HEXIM1: variants seen among roughly 807,000 people sequenced by gnomAD.
The protein encoded by HEXIM1 is HEXIM P-TEFb complex subunit 1, also known as protein HEXIM1.
In HEXIM1, 1 loss-of-function variant was observed where a neutral mutation model predicts 30.3. The observed-to-expected ratio is 0.03, with a 90% CI of 0.01 to 0.16. The LOEUF (loss-of-function observed/expected upper bound fraction) is 0.16, where lower values mean the gene tolerates loss of function less well. Ranked by LOEUF, HEXIM1 falls within the 10% of genes least tolerant of loss-of-function variation. The pLI, the probability that HEXIM1 is intolerant of heterozygous loss-of-function variation, is 1.00. For missense variants in HEXIM1, 391 were observed against 476.4 expected, an observed-to-expected ratio of 0.82 and a Z score of 1.67; for synonymous variants, 245 against 208.3, an observed-to-expected ratio of 1.18 and a Z score of -1.52.
rs2055541224 is a variant in HEXIM1, at chr17:45,150,594, A to C, written c.*324A>C. ...CTTAAACGGAGCTATAAGGTGGCCA[A>C]ATCTGAGAACAATTAAATTCATTTT... On this transcript the variant is annotated 3_prime_UTR_variant, in exon 1 of 1. Transcript: ENST00000332499. 1 of 259,412 alleles carries C rather than the reference A, an allele frequency of 3.9e-6. No homozygotes were observed. Among genetic ancestry groups the C allele is most frequent in the Non-Finnish European group, 7.8e-6 (1 of 127,674 alleles). 16.1% of individuals were successfully genotyped at this position (259,412 alleles called of 1,614,324 possible).
At position 45,151,351 on chromosome 17, in the gene HEXIM1, T is replaced by C. The variant is rs1166162523; in HGVS notation, c.*1081T>C. ...CCTTTCCATGTGGGTCAAACTAAAA[T>C]TAGAAATGTCCCCTCACTGCAGATC... On this transcript the variant is annotated 3_prime_UTR_variant, in exon 1 of 1. Coordinates refer to ENST00000332499, the MANE Select transcript of HEXIM1 (RefSeq NM_006460.3). The C allele has an allele frequency of 1.8e-5, 3 of 166,656 alleles. No individual in the cohort carries two copies. The Admixed American group carries it at 2.0e-4, about 11-fold the overall frequency. The allele number at this position is 166,656 out of a possible 1,614,324, so 10.3% of individuals were successfully genotyped here. A position where few individuals can be genotyped will look rare whatever the true frequency, so the allele number is the denominator to read the frequency against.
chr17:45,149,167 T>C lies in HEXIM1; in HGVS notation c.-24T>C, dbSNP rs200065196. On this transcript the variant is annotated 5_prime_UTR_variant, in exon 1 of 1. Transcript: ENST00000332499. The surrounding 1 kb of genome is among the most constrained non-coding windows in gnomAD (Gnocchi z 5.3). The stretch of plus-strand genomic sequence containing the variant: ...TAAGGACTTACTAGCCAAAATTTCT[T>C]AAACTTCGAGGACTCTACTAGCCAT... 584 of 1,544,862 alleles carry C rather than the reference T, an allele frequency of 3.8e-4. 5 individuals are homozygous for C. The highest frequency in any genetic ancestry group is 1.0e-3 in the East Asian group (44 of 43,966).
At position 45,149,279 on chromosome 17, in the gene HEXIM1, C is replaced by G; in HGVS notation, c.89C>G (p.Pro30Arg). ...GCTGCTGTCCAGGAAGAGCTGAACCCTGAGCGCCCCCCAGGCGCGGAGGAG... is the reference window on the plus strand; with the variant it reads ...GCTGCTGTCCAGGAAGAGCTGAACCGTGAGCGCCCCCCAGGCGCGGAGGAG... ...GAAAVQEELN[P>R]ERPPGAEERV... is the part of the protein sequence containing the mutation. The change falls in exon 1 of 1, where the codon CCT becomes CGT. Residue 30 changes from proline to arginine, a missense_variant. Coordinates refer to ENST00000332499, the MANE Select transcript of HEXIM1 (RefSeq NM_006460.3). This position sits in a 1 kb window ranked among gnomAD's most constrained non-coding sequence, Gnocchi z 5.3. The G allele has an allele frequency of 1.2e-6, 2 of 1,613,802 alleles. No individual in the cohort carries two copies.
rs143419893 is a variant in HEXIM1 at position 45,151,263 on chromosome 17, G to T, written c.*993G>T. ...AAATGGCTGTTTGGGGGATTCCAAG[G>T]ATTTACCTAATTGTCCAATTCTACG... On this transcript the variant is annotated 3_prime_UTR_variant, in exon 1 of 1. Transcript: ENST00000332499. The T allele has an allele frequency of 1.3e-4, 21 of 166,606 alleles. No individual in the cohort carries two copies. Among genetic ancestry groups the T allele is most frequent in the African/African-American group, 3.1e-4 (13 of 41,358 alleles). 10.3% of individuals were successfully genotyped at this position (166,606 alleles called of 1,614,324 possible).
At position 45,151,311 on chromosome 17, in the gene HEXIM1, A is replaced by C. The variant is rs530901155; in HGVS notation, c.*1041A>C. The C allele has an allele frequency of 3.5e-4, 59 of 167,140 alleles. No individual in the cohort carries two copies. The highest frequency in any genetic ancestry group is 1.4e-3 in the African/African-American group (59 of 41,554). The allele number at this position is 167,140 out of a possible 1,614,324, so 10.4% of individuals were successfully genotyped here. ...ACGTGCTCTCTATACCAAAACAAAA[A>C]AAAAAAGCTATCCACCTTTCCATGT... On this transcript the variant is annotated 3_prime_UTR_variant, in exon 1 of 1. Coordinates refer to ENST00000332499, the MANE Select transcript of HEXIM1 (RefSeq NM_006460.3).
At position 45,150,007 on chromosome 17, in the gene HEXIM1, C is replaced by T; in HGVS notation, c.817C>T (p.Arg273Trp). The change falls in exon 1 of 1, where the codon CGG becomes TGG. Residue 273 changes from arginine (R) to tryptophan (W), a missense_variant. Physicochemically the swap from Arg to Trp is moderately radical, Grantham distance 101 (BLOSUM62 -3). Transcript: ENST00000332499. ...LQRDFSETYERYHTESLQNMS... is the reference protein window; with the variant it reads ...LQRDFSETYEWYHTESLQNMS... ...GCGGGACTTCTCGGAGACGTACGAGCGGTACCACACGGAGAGCCTGCAGAA... is the reference window on the plus strand; with the variant it reads ...GCGGGACTTCTCGGAGACGTACGAGTGGTACCACACGGAGAGCCTGCAGAA... 6.2e-7 allele frequency: 1 copy of T among 1,614,014 alleles called. No homozygotes were observed. The highest frequency in any genetic ancestry group is 8.5e-7 in the Non-Finnish European group (1 of 1,180,014).
chr17:45,149,683 A>G lies in HEXIM1; in HGVS notation c.493A>G (p.Lys165Glu). The stretch of plus-strand genomic sequence containing the variant: ...CCCGTCCAAGAAGAAGCGGCATTGG[A>G]AACCGTACTACAAGCTGACCTGGGA... Reference protein sequence around the residue: ...RRPSKKKRHWKPYYKLTWEEK... With the variant: ...RRPSKKKRHWEPYYKLTWEEK... Residue 165 changes from lysine to glutamate, a missense_variant, in exon 1 of 1, where the codon AAA (lysine) becomes GAA (glutamate). Lys to Glu is a moderately conservative substitution (Grantham distance 56). Around this residue, in one of 5 missense-constraint regions of HEXIM1, gnomAD observed 30 missense variants for 88.1 expected, o/e 0.34. Coordinates refer to ENST00000332499, the MANE Select transcript of HEXIM1 (RefSeq NM_006460.3). This position sits in a 1 kb window ranked among gnomAD's most constrained non-coding sequence, Gnocchi z 5.3. The G allele has an allele frequency of 6.2e-7, 1 of 1,612,538 alleles. No individual in the cohort carries two copies. Among genetic ancestry groups the G allele is most frequent in the Non-Finnish European group, 8.5e-7 (1 of 1,180,004 alleles).
In HEXIM1 at chr17:45,149,460, G is replaced by A. The variant is rs1314684461; in HGVS notation, c.270G>A (p.Lys90=). ...PESSCLREGE[K]GQNGDDSSAG... is the part of the protein sequence containing the mutation. ...CTAGCTGCCTGAGAGAGGGCGAGAA[G>A]GGCCAGAATGGGGACGACTCGTCCG... The change falls in exon 1 of 1, where the codon AAG becomes AAA. Residue 90 remains lysine, a synonymous_variant. Coordinates refer to ENST00000332499, the MANE Select transcript of HEXIM1 (RefSeq NM_006460.3). This position sits in a 1 kb window ranked among gnomAD's most constrained non-coding sequence, Gnocchi z 5.3. 1.9e-6 allele frequency: 3 copies of A among 1,612,600 alleles called. No individual in the cohort carries two copies. In the African/African-American group the frequency reaches 4.0e-5, roughly 22 times the overall value.
At position 45,149,094 on chromosome 17, in the gene HEXIM1, G is replaced by GTT. The variant is rs1338554428; in HGVS notation, c.-88_-87dup. On this transcript the variant is annotated 5_prime_UTR_variant, in exon 1 of 1. Transcript: ENST00000332499. This position sits in a 1 kb window ranked among gnomAD's most constrained non-coding sequence, Gnocchi z 5.3. ...AAACTGAAGAGGACTCTGTTGGACTGTTTTTTTTTTCTTTTTCTTTTTTTT... is the reference window on the plus strand; with the variant it reads ...AAACTGAAGAGGACTCTGTTGGACTGTTTTTTTTTTTTCTTTTTCTTTTTTTT... The GTT allele has an allele frequency of 4.1e-5, 44 of 1,071,954 alleles. No homozygotes were observed. Among genetic ancestry groups the GTT allele is most frequent in the African/African-American group, 9.0e-5 (5 of 55,682 alleles). The allele number at this position is 1,071,954 out of a possible 1,614,324, so 66.4% of individuals were successfully genotyped here.
chr17:45,149,889 C>A lies in HEXIM1; in HGVS notation c.699C>A (p.Ser233=). Residue 233 remains serine (S), a synonymous_variant, in exon 1 of 1, where the codon TCC becomes TCA. Coordinates refer to ENST00000332499, the MANE Select transcript of HEXIM1 (RefSeq NM_006460.3). This position sits in a 1 kb window ranked among gnomAD's most constrained non-coding sequence, Gnocchi z 5.3. ...ACTCCAAGCGGGCCGCCGCCAAATC[C>A]GACGACACCAGCGATGACGACTTCA... The part of the protein sequence containing the change: ...GLYSKRAAAK[S]DDTSDDDFME... 3 of 1,613,656 alleles carry A rather than the reference C, an allele frequency of 1.9e-6. No individual in the cohort carries two copies. The highest frequency in any genetic ancestry group is 2.5e-6 in the Non-Finnish European group (3 of 1,179,934).
rs961790162 is a variant in HEXIM1, at chr17:45,151,996, G to A, written c.*1726G>A. On this transcript the variant is annotated 3_prime_UTR_variant, in exon 1 of 1. Transcript: ENST00000332499. ...GTAGGACTGAATCAGGGCCTTCAAA[G>A]CTGGACTGAGTTGGTCCTGTTCTGG... The A allele has an allele frequency of 1.8e-5, 3 of 167,146 alleles. No homozygotes were observed. The highest frequency in any genetic ancestry group is 4.8e-5 in the African/African-American group (2 of 41,472). The allele number at this position is 167,146 out of a possible 1,614,324, so 10.4% of individuals were successfully genotyped here.
Position 45,150,220 on chromosome 17 carries a change from G to C in HEXIM1, c.1030G>C (p.Glu344Gln). 1 of 1,611,460 alleles carries C rather than the reference G, an allele frequency of 6.2e-7. No homozygotes were observed. Among genetic ancestry groups the C allele is most frequent in the Non-Finnish European group, 8.5e-7 (1 of 1,178,580 alleles). Reference protein sequence around the residue: ...AENLQLLTENELHRQQERAPL... With the variant: ...AENLQLLTENQLHRQQERAPL... ...GAACCTCCAGCTGCTGACCGAGAAC[G>C]AACTGCACCGGCAGCAGGAGCGAGC... The change falls in exon 1 of 1, where the codon GAA (glutamate) becomes CAA (glutamine). Residue 344 changes from glutamate to glutamine, a missense_variant. By Grantham distance (29) the Glu-to-Gln change is conservative. This residue lies in a region of HEXIM1 where 73 missense variants were observed against 80.9 expected (regional missense o/e 0.90). Transcript: ENST00000332499.
chr17:45,149,529 C>G lies in HEXIM1; in HGVS notation c.339C>G (p.Pro113=). 6.2e-7 allele frequency: 1 copy of G among 1,606,630 alleles called. No individual in the cohort carries two copies. The highest frequency in any genetic ancestry group is 8.5e-7 in the Non-Finnish European group (1 of 1,177,126). ...CGCCGGCAGAAGTGGAACCGACGCCCGAGGCCGAGCTGCTCGCCCAGCCTT... is the reference window on the plus strand; with the variant it reads ...CGCCGGCAGAAGTGGAACCGACGCCGGAGGCCGAGCTGCTCGCCCAGCCTT... ...FPPPAEVEPT[P]EAELLAQPCH... Residue 113 remains proline, a synonymous_variant, in exon 1 of 1, where the codon CCC becomes CCG. Transcript: ENST00000332499. This position sits in a 1 kb window ranked among gnomAD's most constrained non-coding sequence, Gnocchi z 5.3.
rs1598116428 is a variant in HEXIM1 at position 45,151,095 on chromosome 17, T to G, written c.*825T>G. On this transcript the variant is annotated 3_prime_UTR_variant, in exon 1 of 1. Coordinates refer to ENST00000332499, the MANE Select transcript of HEXIM1 (RefSeq NM_006460.3). ...GACAGCCTCATTTCATTCCTACAAG[T>G]TGGTTTTCAGTAATCTCTTCCTTCC... The G allele has an allele frequency of 6.0e-6, 1 of 167,054 alleles. No homozygotes were observed. Among genetic ancestry groups the G allele is most frequent in the East Asian group, 1.9e-4 (1 of 5,212 alleles). 10.3% of individuals were successfully genotyped at this position (167,054 alleles called of 1,614,324 possible). A position where few individuals can be genotyped will look rare whatever the true frequency, so the allele number is the denominator to read the frequency against.
In HEXIM1 at chr17:45,150,789, C is replaced by T. The variant is rs954540384; in HGVS notation, c.*519C>T. ...TATCAATCTTTAATGGGAGAATTTT[C>T]AATTTGCCAATTTTTTCCTTGAATG... is the stretch of plus-strand genomic sequence containing the variant. On this transcript the variant is annotated 3_prime_UTR_variant, in exon 1 of 1. Coordinates refer to ENST00000332499, the MANE Select transcript of HEXIM1 (RefSeq NM_006460.3). The T allele has an allele frequency of 2.4e-5, 4 of 168,796 alleles. No individual in the cohort carries two copies. The highest frequency in any genetic ancestry group is 9.7e-5 in the African/African-American group (4 of 41,410). The allele number at this position is 168,796 out of a possible 1,614,324, so 10.5% of individuals were successfully genotyped here.
At position 45,149,495 on chromosome 17, in the gene HEXIM1, A is replaced by T; in HGVS notation, c.305A>T (p.Asp102Val). ...GGGGACGACTCGTCCGCTGGCGGCG[A>T]CTTCCCGCCGCCGGCAGAAGTGGAA... ...QNGDDSSAGG[D>V]FPPPAEVEPT... Residue 102 changes from aspartate to valine, a missense_variant, in exon 1 of 1, where the codon GAC (aspartate) becomes GTC (valine). Around this residue, in one of 5 missense-constraint regions of HEXIM1, gnomAD observed 230 missense variants for 199.4 expected, o/e 1.15. Transcript: ENST00000332499. This position sits in a 1 kb window ranked among gnomAD's most constrained non-coding sequence, Gnocchi z 5.3. The T allele has an allele frequency of 1.2e-6, 2 of 1,609,448 alleles. No individual in the cohort carries two copies. The highest frequency in any genetic ancestry group is 1.7e-6 in the Non-Finnish European group (2 of 1,178,588).
At position 45,149,393 on chromosome 17, in the gene HEXIM1, A is replaced by T; in HGVS notation, c.203A>T (p.Glu68Val). Residue 68 changes from glutamate to valine, a missense_variant, in exon 1 of 1, where the codon GAA becomes GTA. By Grantham distance (121) the Glu-to-Val change is moderately radical. This residue lies in a region of HEXIM1 where 230 missense variants were observed against 199.4 expected (regional missense o/e 1.15). Coordinates refer to ENST00000332499, the MANE Select transcript of HEXIM1 (RefSeq NM_006460.3). The surrounding 1 kb of genome is among the most constrained non-coding windows in gnomAD (Gnocchi z 5.3). ...RPGPEGEGSLESQPPPLQTQA... is the reference protein window; with the variant it reads ...RPGPEGEGSLVSQPPPLQTQA... ...GGGCCGGAGGGGGAAGGGAGCCTGG[A>T]ATCCCAACCACCTCCCTTGCAGACC... 1 of 1,613,352 alleles carries T rather than the reference A, an allele frequency of 6.2e-7. No individual in the cohort carries two copies. The highest frequency in any genetic ancestry group is 8.5e-7 in the Non-Finnish European group (1 of 1,179,942).
In HEXIM1 at chr17:45,149,709, A is replaced by T; in HGVS notation, c.519A>T (p.Glu173Asp). ...AACCGTACTACAAGCTGACCTGGGA[A>T]GAGAAGAAAAAGTTCGACGAGAAAC... The part of the protein sequence containing the change: ...HWKPYYKLTW[E>D]EKKKFDEKQS... Residue 173 changes from glutamate (E) to aspartate (D), a missense_variant, in exon 1 of 1, where the codon GAA becomes GAT. This residue lies in a region of HEXIM1 where 30 missense variants were observed against 88.1 expected (regional missense o/e 0.34). Transcript: ENST00000332499. This position sits in a 1 kb window ranked among gnomAD's most constrained non-coding sequence, Gnocchi z 5.3. 6.2e-7 allele frequency: 1 copy of T among 1,613,094 alleles called. No individual in the cohort carries two copies. The highest frequency in any genetic ancestry group is 1.1e-5 in the South Asian group (1 of 91,076).
rs1567917775 is a variant in HEXIM1, at chr17:45,149,416, A to T, written c.226A>T (p.Thr76Ser). 6.2e-7 allele frequency: 1 copy of T among 1,613,084 alleles called. No individual in the cohort carries two copies. Among genetic ancestry groups the T allele is most frequent in the Non-Finnish European group, 8.5e-7 (1 of 1,179,928 alleles). Residue 76 changes from threonine to serine, a missense_variant, in exon 1 of 1, where the codon ACC (threonine) becomes TCC (serine). This residue lies in a region of HEXIM1 where 230 missense variants were observed against 199.4 expected (regional missense o/e 1.15). Transcript: ENST00000332499. This position sits in a 1 kb window ranked among gnomAD's most constrained non-coding sequence, Gnocchi z 5.3. ...GGAATCCCAACCACCTCCCTTGCAG[A>T]CCCAGGCCTGTCCAGAATCTAGCTG... ...SLESQPPPLQ[T>S]QACPESSCLR...
Sources: allele counts gnomAD v4.1 joint callset, GRCh38; gene constraint gnomAD v4.1.1; regional missense constraint gnomAD v4.1.1; non-coding constraint Gnocchi (gnomAD v3.1); transcripts MANE v1.5; gene names NCBI Gene and HGNC (gene_info 2026-07-23, HGNC 2026-07-21).